MOB4: variants seen among roughly 807,000 people sequenced by gnomAD.
MOB4 encodes the protein MOB-like protein phocein.
Under a neutral mutation model 32.2 loss-of-function variants are expected in MOB4, and 4 were observed. The ratio of observed to expected loss-of-function variants is 0.12; its 90% CI spans 0.06 to 0.28. MOB4 has a LOEUF of 0.28. MOB4 is among the 10% of genes least tolerant of loss of function. The pLI is 1.00. For synonymous variants in MOB4, 88 were observed against 88.1 expected (o/e 1.00, Z 0.01); for missense variants, 158 against 271.2 (o/e 0.58, Z 2.93).
chr2:197,516,472 A>G lies in MOB4; in HGVS notation c.60+326A>G, dbSNP rs954096404. ...CCTTGCCCCTGAGCCCCAGCTGACT[A>G]GCATTGGAGGGGCGCGACCAGCCTG... On this transcript the variant is annotated intron_variant, in intron 1 of 7. Transcript: ENST00000323303. 5 of 1,070,174 alleles carry G rather than the reference A, an allele frequency of 4.7e-6. No homozygotes were observed. The Admixed American group carries it at 1.2e-4, about 26-fold the overall frequency. The allele number at this position is 1,070,174 out of a possible 1,614,324, so 66.3% of individuals were successfully genotyped here. A position where few individuals can be genotyped will look rare whatever the true frequency, so the allele number is the denominator to read the frequency against.
intron 1 of MOB4, among the ~76,000 whole-genome samples, chr2:197,523,279 TA>T (rs1368788217): frequency 1.3e-5 from 2 of 152,176 alleles, no homozygotes; most frequent in African/African-American, 4.8e-5. Flanking sequence ...AAAATCTTAA[TA>T]TTCATTTAAA....
At chr2:197,530,908 T>G (rs1341192989) in intron 2 of MOB4, among the ~76,000 whole-genome samples, 1 of 152,178 alleles carries the variant, frequency 6.6e-6, no homozygotes, top group African/African-American at 2.4e-5. Context: ...TCTTTGGGTT[T>G]TAGCCATTTG....
intron 2 of MOB4, among the ~76,000 whole-genome samples, chr2:197,524,970 C>T (rs558067570): frequency 2.0e-5 from 3 of 152,170 alleles, no homozygotes; most frequent in African/African-American, 7.2e-5. Flanking sequence ...ACCATGTTGC[C>T]CTGGCTGATG....
At position 197,551,923 on chromosome 2, in the gene MOB4, A is replaced by G. The variant is rs2087104873; in HGVS notation, c.*1277A>G. The G allele has an allele frequency of 2.0e-5, 3 of 152,364 alleles. No individual in the cohort carries two copies. Among genetic ancestry groups the G allele is most frequent in the Admixed American group, 2.0e-4 (3 of 15,274 alleles). The allele number at this position is 152,364 out of a possible 1,614,324, so 9.4% of individuals were successfully genotyped here. A position where few individuals can be genotyped will look rare whatever the true frequency, so the allele number is the denominator to read the frequency against. Reference sequence around the variant, plus strand: ...GGCAGTAAGGGTGAAAACATTGTACATGTTGTGAAGAAAGTATTTAAATCC... The same window carrying G: ...GGCAGTAAGGGTGAAAACATTGTACGTGTTGTGAAGAAAGTATTTAAATCC... On this transcript the variant is annotated 3_prime_UTR_variant, in exon 8 of 8. Coordinates refer to ENST00000323303, the MANE Select transcript of MOB4 (RefSeq NM_015387.5).
chr2:197,548,999 C>G (rs567758865), intron 6 of MOB4, among the ~76,000 whole-genome samples: 13 of 151,996 alleles, frequency 8.6e-5, no homozygotes, highest in Admixed American at 3.3e-4. Context: ...GAGGCCGAGG[C>G]GTGCGGATCA....
chr2:197,550,721 T>A lies in MOB4; in HGVS notation c.*75T>A, dbSNP rs2087083918. On this transcript the variant is annotated 3_prime_UTR_variant, in exon 8 of 8. Transcript: ENST00000323303. ...GTATATATCATTTTAGACACATCAA[T>A]CATGTATCCATATTATAGCTTCTTT... 6.9e-7 allele frequency: 1 copy of A among 1,450,850 alleles called. No individual in the cohort carries two copies. The highest frequency in any genetic ancestry group is 1.6e-5 in the South Asian group (1 of 61,094). 89.9% of individuals were successfully genotyped at this position (1,450,850 alleles called of 1,614,324 possible). A position where few individuals can be genotyped will look rare whatever the true frequency, so the allele number is the denominator to read the frequency against.
intron 1 of MOB4, among the ~76,000 whole-genome samples, chr2:197,520,056 G>A (rs925308049): frequency 2.0e-5 from 3 of 152,044 alleles, no homozygotes; most frequent in African/African-American, 7.2e-5. Flanking sequence ...CTGTCCAAAC[G>A]GGGACATTGC....
chr2:197,546,863 C>A (rs1044974263), intron 5 of MOB4, among the ~76,000 whole-genome samples: 2 of 152,166 alleles, frequency 1.3e-5, no homozygotes, highest in Non-Finnish European at 2.9e-5. Flanking sequence ...GGAAGCCTTA[C>A]CGATAACAGT....
intron 6 of MOB4, among the ~76,000 whole-genome samples, chr2:197,549,880 GAAAA>G (rs1471169664): frequency 4.5e-5 from 6 of 132,058 alleles, no homozygotes; most frequent in South Asian, 2.4e-4. Flanking sequence ...AAAAAAAAAA[GAAAA>G]GAAAAGGAAA....
chr2:197,531,636 G>T (rs1475520230), intron 2 of MOB4, among the ~76,000 whole-genome samples: 1 of 151,944 alleles, frequency 6.6e-6, no homozygotes, highest in Non-Finnish European at 1.5e-5. Context: ...CATGATCTTG[G>T]CTCACTGCAA....
intron 5 of MOB4, among the ~76,000 whole-genome samples, chr2:197,547,395 A>G (rs980602025): frequency 3.9e-5 from 6 of 152,102 alleles, no homozygotes; most frequent in East Asian, 3.8e-4. Context: ...CTTTTGACCA[A>G]CTCATCTGTG....
rs1206094260 is a variant in MOB4 at position 197,551,330 on chromosome 2, A to C, written c.*684A>C. ...GGTAAGGCACATAAATTATTTTCCC[A>C]CTGGAAACCTGCCCTGTCCACCCCT... On this transcript the variant is annotated 3_prime_UTR_variant, in exon 8 of 8. Transcript: ENST00000323303. The C allele has an allele frequency of 6.5e-6, 1 of 152,690 alleles. No homozygotes were observed. The highest frequency in any genetic ancestry group is 2.4e-5 in the African/African-American group (1 of 41,444). 9.5% of individuals were successfully genotyped at this position (152,690 alleles called of 1,614,324 possible). A position where few individuals can be genotyped will look rare whatever the true frequency, so the allele number is the denominator to read the frequency against.
At chr2:197,550,168 ATTTTCCC>A in intron 6 of MOB4, 100 bp from the exon 7 acceptor site, 1 of 1,029,252 alleles carries the variant, frequency 9.7e-7, no homozygotes, top group Non-Finnish European at 1.4e-6. Context: ...GTAGTCGCTT[ATTTTCCC>A]TAGGTGTCAG....
At chr2:197,523,343 G>A (rs879795151) in intron 1 of MOB4, among the ~76,000 whole-genome samples, 1 of 152,188 alleles carries the variant, frequency 6.6e-6, no homozygotes, top group Non-Finnish European at 1.5e-5. Context: ...TAAGAATAGG[G>A]TGGCTAAGGT....
chr2:197,531,100 T>C (rs1574636217), intron 2 of MOB4, among the ~76,000 whole-genome samples: 1 of 151,406 alleles, frequency 6.6e-6, no homozygotes, highest in Admixed American at 6.6e-5. Context: ...CAGGCTGGAG[T>C]GCAGTGGCGC....
At chr2:197,533,357 CAA>C (rs2086739396) in intron 2 of MOB4, among the ~76,000 whole-genome samples, 1 of 151,800 alleles carries the variant, frequency 6.6e-6, no homozygotes, top group African/African-American at 2.4e-5. Context: ...GAGAGAGAAT[CAA>C]AACTTTGAAA....
At chr2:197,547,402 T>G (rs2087015909) in intron 5 of MOB4, among the ~76,000 whole-genome samples, 1 of 152,248 alleles carries the variant, frequency 6.6e-6, no homozygotes, top group South Asian at 2.1e-4. Context: ...CCAACTCATC[T>G]GTGGTCATAT....
intron 3 of MOB4, among the ~76,000 whole-genome samples, chr2:197,537,116 T>C (rs933990222): frequency 1.1e-4 from 16 of 152,196 alleles, no homozygotes; most frequent in Admixed American, 3.3e-4. Flanking sequence ...CTGTAAATTA[T>C]TGCAAACTTC....
intron 1 of MOB4, 196 bp downstream of exon 1, chr2:197,516,342 G>C (rs2086410778): frequency 7.0e-7 from 1 of 1,426,122 alleles, no homozygotes; most frequent in Non-Finnish European, 9.2e-7. Context: ...GGCCTGCGGA[G>C]CTCCGACCCA....
Sources: allele counts gnomAD v4.1 joint callset (sites outside exome capture counted in the v4.1 genomes callset), GRCh38; gene constraint gnomAD v4.1.1; transcripts MANE v1.5; gene names NCBI Gene and HGNC (gene_info 2026-07-23, HGNC 2026-07-21).